ATP11A: variants seen among roughly 807,000 people sequenced by gnomAD.
ATP11A encodes ATPase phospholipid transporting 11A.
ATP11A carries 81 observed loss-of-function variants against 154.4 expected under a neutral mutation model. The observed-to-expected ratio is 0.52, with a 90% confidence interval of 0.44 to 0.63. The LOEUF (loss-of-function observed/expected upper bound fraction) is 0.63. Among genes scored for constraint, ATP11A ranks in the 30% least tolerant of loss-of-function variants. ATP11A has a pLI of 0.00. For missense variants in ATP11A, 1,316 were observed against 1,474.3 expected (o/e 0.89, Z 1.76); for synonymous variants, 623 against 585.9 (o/e 1.06, Z -0.91).
intron 1 of ATP11A, among the ~76,000 whole-genome samples, chr13:112,720,622 A>G (rs1421793933): frequency 6.6e-6 from 1 of 151,932 alleles, no homozygotes; most frequent in East Asian, 1.9e-4. Context: ...CAGTGGCATG[A>G]TCTCAGCTCA....
At chr13:112,718,403 C>A (rs942601663) in intron 1 of ATP11A, among the ~76,000 whole-genome samples, 1 of 152,198 alleles carries the variant, frequency 6.6e-6, no homozygotes, top group Non-Finnish European at 1.5e-5. Flanking sequence ...GTTAAATTTA[C>A]AACTCTTCTG....
At chr13:112,829,545 A>G (rs1196652465) in intron 12 of ATP11A, among the ~76,000 whole-genome samples, 1 of 152,240 alleles carries the variant, frequency 6.6e-6, no homozygotes, top group Non-Finnish European at 1.5e-5. Context: ...TTTTAGGTAT[A>G]GAGGAATGTA....
chr13:112,739,091 C>T (rs1255563301), intron 1 of ATP11A, among the ~76,000 whole-genome samples: 1 of 152,144 alleles, frequency 6.6e-6, no homozygotes, highest in Non-Finnish European at 1.5e-5. Flanking sequence ...GTATAAAAAG[C>T]ATAAGCAACC....
chr13:112,784,419 T>C (rs1490952038), intron 1 of ATP11A, among the ~76,000 whole-genome samples: 1 of 152,186 alleles, frequency 6.6e-6, no homozygotes, highest in Non-Finnish European at 1.5e-5. Context: ...AAGTCCCGCC[T>C]TCTACCCCAG....
chr13:112,858,959 G>A (rs1008293339), intron 22 of ATP11A: 6 of 250,670 alleles, frequency 2.4e-5, no homozygotes, highest in African/African-American at 1.4e-4. Context: ...CCAGGGTCTG[G>A]GAATGTACCC....
chr13:112,832,120 A>G (rs2079110635), intron 13 of ATP11A, among the ~76,000 whole-genome samples: 1 of 152,080 alleles, frequency 6.6e-6, no homozygotes, highest in South Asian at 2.1e-4. Context: ...GTGCACGCAC[A>G]GACACATGCT....
At chr13:112,831,317 A>G in intron 12 of ATP11A, 58 bp from the exon 13 acceptor site, 3 of 1,573,224 alleles carry the variant, frequency 1.9e-6, no homozygotes, top group Non-Finnish European at 2.6e-6. Flanking sequence ...TGTGTGTCTG[A>G]GTCGGGGACG....
rs907992705 is a variant in ATP11A, at chr13:112,826,833, A to G, written c.1163A>G (p.Glu388Gly). Reference sequence around the variant, plus strand: ...ACCTGGGACGAAGACATGTTTGACGAGGAGACTGGCGAGGGGCCTCTGGTG... The same window carrying G: ...ACCTGGGACGAAGACATGTTTGACGGGGAGACTGGCGAGGGGCCTCTGGTG... Reference protein sequence around the residue: ...FITWDEDMFDEETGEGPLVNT... With the variant: ...FITWDEDMFDGETGEGPLVNT... The change falls in exon 12 of 30, where the codon GAG (glutamate) becomes GGG (glycine). Residue 388 changes from glutamate to glycine, a missense_variant. By Grantham distance (98) the Glu-to-Gly change is moderately conservative. Transcript: ENST00000375645. 1 of 1,614,012 alleles carries G rather than the reference A, an allele frequency of 6.2e-7. No homozygotes were observed. The highest frequency in any genetic ancestry group is 1.3e-5 in the African/African-American group (1 of 74,930).
intron 25 of ATP11A, among the ~76,000 whole-genome samples, chr13:112,864,906 GGTCC>G (rs2080268251): frequency 1.7e-5 from 1 of 59,114 alleles, no homozygotes; most frequent in Admixed American, 2.3e-4. Flanking sequence ...TTCCCAGCGG[GGTCC>G]ATCACCACCT....
chr13:112,775,003 G>A (rs547076422), intron 1 of ATP11A, among the ~76,000 whole-genome samples: 1 of 152,370 alleles, frequency 6.6e-6, no homozygotes, highest in East Asian at 1.9e-4. Context: ...CCACTTCATC[G>A]GGGTAGGCGG....
chr13:112,856,377 AC>A, intron 20 of ATP11A: 2 of 197,578 alleles, frequency 1.0e-5, no homozygotes, highest in South Asian at 1.6e-4. Flanking sequence ...TATCTCAATC[AC>A]TCCTGAGAAT....
rs942326975 is a variant in ATP11A, at chr13:112,753,228, C to G, written c.40-31907C>G. The stretch of plus-strand genomic sequence containing the variant: ...CGTGATGTTCCCCTGTGGACTCAAC[C>G]TCCCCCGCCCCTGGCCGCCCCACAT... On this transcript the variant is annotated intron_variant, in intron 1 of 29. Transcript: ENST00000375645. This position sits in a 1 kb window ranked among gnomAD's most constrained non-coding sequence, Gnocchi z 4.1. Among the ~76,000 whole-genome samples, 1 of 152,202 alleles carries G rather than the reference C, an allele frequency of 6.6e-6. No individual in the cohort carries two copies. The highest frequency in any genetic ancestry group is 1.5e-5 in the Non-Finnish European group (1 of 68,034).
chr13:112,820,563 A>G (rs2078772479), intron 8 of ATP11A, among the ~76,000 whole-genome samples: 1 of 152,198 alleles, frequency 6.6e-6, no homozygotes, highest in Non-Finnish European at 1.5e-5. Context: ...CACCTCATCT[A>G]TGGCCCCGAG....
intron 15 of ATP11A, among the ~76,000 whole-genome samples, chr13:112,835,296 C>T (rs2079201891): frequency 2.6e-5 from 4 of 152,222 alleles, no homozygotes; most frequent in East Asian, 1.9e-4. Context: ...CACGAATGTG[C>T]GGTCATGGTT....
chr13:112,701,676 CA>C (rs1472712782), intron 1 of ATP11A, among the ~76,000 whole-genome samples: 3 of 151,914 alleles, frequency 2.0e-5, no homozygotes, highest in African/African-American at 7.3e-5. Context: ...CCTAAAAATA[CA>C]AAAAAATTAG....
intron 5 of ATP11A, among the ~76,000 whole-genome samples, chr13:112,815,776 A>G (rs1355926878): frequency 1.3e-5 from 2 of 152,202 alleles, no homozygotes; most frequent in African/African-American, 4.8e-5. Flanking sequence ...AAAGCTTCTC[A>G]CAGGAGTACT....
At chr13:112,870,586 C>T (rs949447743) in intron 25 of ATP11A, among the ~76,000 whole-genome samples, 9 of 152,190 alleles carry the variant, frequency 5.9e-5, no homozygotes, top group East Asian at 5.8e-4. Flanking sequence ...ACCATGTTGG[C>T]CAGGCTGGTC....
At chr13:112,769,231 G>A (rs1468845948) in intron 1 of ATP11A, among the ~76,000 whole-genome samples, 1 of 152,176 alleles carries the variant, frequency 6.6e-6, no homozygotes, top group Non-Finnish European at 1.5e-5. Context: ...CTGAGCGTGT[G>A]CCAGGGCTGA....
intron 1 of ATP11A, among the ~76,000 whole-genome samples, chr13:112,760,726 A>G (rs1296046824): frequency 6.6e-6 from 1 of 152,240 alleles, no homozygotes; most frequent in African/African-American, 2.4e-5. Context: ...TTACCAGCAT[A>G]GTTGTTAACA....
Sources: gnomAD v4.1 joint callset for allele counts (sites outside exome capture counted in the v4.1 genomes callset) on GRCh38, gnomAD v4.1.1 for gene constraint, Gnocchi (gnomAD v3.1) non-coding constraint, MANE v1.5 for transcripts, NCBI Gene and HGNC (gene_info 2026-07-23, HGNC 2026-07-21) for gene names.